The following NINJ1 variants were observed in gnomAD, a reference collection of about 807,000 sequenced individuals.
The protein encoded by NINJ1 is ninjurin-1.
Under a neutral mutation model 12.7 loss-of-function variants are expected in NINJ1, and 6 were observed. The observed-to-expected ratio is 0.47, with a 90% CI of 0.26 to 0.93. The LOEUF is 0.93. Among genes scored for constraint, NINJ1 ranks in the 40% least tolerant of loss-of-function variants. The pLI is 0.15. For missense variants in NINJ1, 170 were observed against 213.0 expected (o/e 0.80, Z 1.26); for synonymous variants, 100 against 96.0 (o/e 1.04, Z -0.25).
intron 1 of NINJ1, among the ~76,000 whole-genome samples, chr9:93,132,435 C>T (rs372068374): frequency 6.6e-6 from 1 of 152,214 alleles, no homozygotes; most frequent in East Asian, 1.9e-4. Context: ...GCCTCTGAGC[C>T]TTTGCTCCCA....
At chr9:93,124,613 T>G (rs1004352522) in intron 3 of NINJ1, among the ~76,000 whole-genome samples, 1 of 151,502 alleles carries the variant, frequency 6.6e-6, no homozygotes, top group Non-Finnish European at 1.5e-5. Context: ...ACATTCTGAA[T>G]GTATAGAAAT....
At position 93,122,139 on chromosome 9, in the gene NINJ1, G is replaced by A. The variant is rs28722632; in HGVS notation, c.*101C>T. ...GCCAGCCTGGGCTCTGGCAGTCTGG[G>A]TAGTGCCATGTGCAGGGAGGTGGAC... On this transcript the variant is annotated 3_prime_UTR_variant, in exon 4 of 4. Transcript: ENST00000375446. The A allele has an allele frequency of 0.035, 5,422 of 152,828 alleles. 303 individuals carry two copies. The highest frequency in any genetic ancestry group is 0.12 in the African/African-American group (4,936 of 41,546). The allele number at this position is 152,828 out of a possible 1,614,324, so 9.5% of individuals were successfully genotyped here.
intron 1 of NINJ1, among the ~76,000 whole-genome samples, chr9:93,127,246 G>A (rs934566680): frequency 6.6e-6 from 1 of 152,210 alleles, no homozygotes; most frequent in Non-Finnish European, 1.5e-5. Context: ...GCCACCCAGA[G>A]CCCGGCCCCG....
intron 1 of NINJ1, among the ~76,000 whole-genome samples, chr9:93,129,009 A>G (rs182146842): frequency 1.3e-5 from 2 of 152,248 alleles, no homozygotes; most frequent in East Asian, 3.9e-4. Context: ...CCATTTAAAT[A>G]TTTCACAGCC....
chr9:93,131,618 GAC>G (rs1477123776), intron 1 of NINJ1: 4 of 152,252 alleles, frequency 2.6e-5, no homozygotes, highest in Admixed American at 2.6e-4. Context: ...CCTGCCTTGA[GAC>G]ACCCTGGGGA....
At chr9:93,131,184 G>T (rs149086886) in intron 1 of NINJ1, among the ~76,000 whole-genome samples, 3 of 152,356 alleles carry the variant, frequency 2.0e-5, no homozygotes, top group East Asian at 3.9e-4. Flanking sequence ...AGCAGGCCCT[G>T]AGAGGGTCTC....
Position 93,124,884 on chromosome 9 carries a change from C to T in NINJ1, c.*9+15G>A. The stretch of plus-strand genomic sequence containing the variant: ...CCCCAGGACTGCAGGCCTCGCGCCC[C>T]ATCTCCCAGCTCACCTGGGTGTCCT... On this transcript the variant is annotated intron_variant, in intron 3 of 3. Coordinates refer to ENST00000375446, the MANE Select transcript of NINJ1 (RefSeq NM_004148.4). 1 of 1,593,118 alleles carries T rather than the reference C, an allele frequency of 6.3e-7. No individual in the cohort carries two copies. Among genetic ancestry groups the T allele is most frequent in the Non-Finnish European group, 8.6e-7 (1 of 1,168,710 alleles).
chr9:93,122,879 T>C (rs1331387379), intron 3 of NINJ1, among the ~76,000 whole-genome samples: 4 of 152,172 alleles, frequency 2.6e-5, no homozygotes, highest in African/African-American at 7.2e-5. Flanking sequence ...TTGGGAGAGT[T>C]AGGGACTGCA....
At chr9:93,126,694 C>T in intron 1 of NINJ1, 56 bp from the exon 2 acceptor site, 1 of 1,435,964 alleles carries the variant, frequency 7.0e-7, no homozygotes, top group Non-Finnish European at 9.5e-7. Context: ...AAGGGCTGTG[C>T]CTGAGTCGGG....
At chr9:93,127,740 C>T (rs997400479) in intron 1 of NINJ1, among the ~76,000 whole-genome samples, 2 of 152,246 alleles carry the variant, frequency 1.3e-5, no homozygotes, top group Admixed American at 1.3e-4. Flanking sequence ...CCTCCCAGGA[C>T]TGGTCACCTG....
chr9:93,126,657 T>A lies in NINJ1; in HGVS notation c.76-19A>T. The A allele has an allele frequency of 3.3e-6, 5 of 1,493,516 alleles. No individual in the cohort carries two copies. The highest frequency in any genetic ancestry group is 4.6e-6 in the Non-Finnish European group (5 of 1,088,336). The allele number at this position is 1,493,516 out of a possible 1,614,324, so 92.5% of individuals were successfully genotyped here. A position where few individuals can be genotyped will look rare whatever the true frequency, so the allele number is the denominator to read the frequency against. On this transcript the variant is annotated intron_variant, in intron 1 of 3. Transcript: ENST00000375446. The stretch of plus-strand genomic sequence containing the variant: ...GGGCCGGCTGCAGGGAGGGGAATGG[T>A]CAGCAAGGCGGGTGGGGGAGGGGGG...
At chr9:93,125,699 G>A (rs1012356660) in intron 2 of NINJ1, 3 of 153,118 alleles carry the variant, frequency 2.0e-5, no homozygotes, top group Non-Finnish European at 1.5e-5. Flanking sequence ...GGAGGATCAC[G>A]TGAGCCCAGG....
At chr9:93,124,382 C>G (rs936322881) in intron 3 of NINJ1, among the ~76,000 whole-genome samples, 1 of 152,166 alleles carries the variant, frequency 6.6e-6, no homozygotes, top group Non-Finnish European at 1.5e-5. Flanking sequence ...TCAAGCGATT[C>G]TCCTGCCTCA....
In NINJ1 at chr9:93,126,437, C is replaced by T. The variant is rs1167155758; in HGVS notation, c.277G>A (p.Gly93Ser). ...AGGAAGATGAGCAGCACCCCCACGCCGATCTGCAGCACAAGGGAGATGGAG... is the reference window on the plus strand; with the variant it reads ...AGGAAGATGAGCAGCACCCCCACGCTGATCTGCAGCACAAGGGAGATGGAG... ...LISISLVLQIGVGVLLIFLVK... is the reference protein window; with the variant it reads ...LISISLVLQISVGVLLIFLVK... The change falls in exon 2 of 4, where the codon GGC (glycine) becomes AGC (serine). Residue 93 changes from glycine (G) to serine (S), a missense_variant. Gly to Ser is a moderately conservative substitution (Grantham distance 56). Transcript: ENST00000375446. 3.1e-6 allele frequency: 5 copies of T among 1,613,782 alleles called. No individual in the cohort carries two copies. The highest frequency in any genetic ancestry group is 3.3e-5 in the Admixed American group (2 of 59,978).
In NINJ1 at chr9:93,134,151, C is replaced by G. The variant is rs1223562713; in HGVS notation, c.67G>C (p.Asp23His). ...TGGGGGGAAGGTCTTACCGAGGCGT[C>G]CGGGGAGCCGGGTGTGCCCGGAGGC... is the stretch of plus-strand genomic sequence containing the variant. ...GLPPGTPGSP[D>H]ASPARWGWRH... The change falls in exon 1 of 4, where the codon GAC becomes CAC. Residue 23 changes from aspartate to histidine, a missense_variant. Physicochemically the swap from Asp to His is moderately conservative, Grantham distance 81 (BLOSUM62 -1). Coordinates refer to ENST00000375446, the MANE Select transcript of NINJ1 (RefSeq NM_004148.4). 1 of 1,557,320 alleles carries G rather than the reference C, an allele frequency of 6.4e-7. No homozygotes were observed. Among genetic ancestry groups the G allele is most frequent in the East Asian group, 2.4e-5 (1 of 41,942 alleles).
At chr9:93,124,860 C>T (rs777112184) in intron 3 of NINJ1, 39 bp downstream of exon 3, 3 of 1,566,408 alleles carry the variant, frequency 1.9e-6, no homozygotes, top group South Asian at 2.4e-5. Context: ...AGCGAGCAAC[C>T]CCAGGACTGC....
At chr9:93,122,681 G>A (rs1827752105) in intron 3 of NINJ1, among the ~76,000 whole-genome samples, 1 of 152,152 alleles carries the variant, frequency 6.6e-6, no homozygotes, top group Non-Finnish European at 1.5e-5. Flanking sequence ...GGCCCAGCAT[G>A]GGGGGCTCGG....
At chr9:93,129,428 T>G (rs1318713260) in intron 1 of NINJ1, among the ~76,000 whole-genome samples, 2 of 152,094 alleles carry the variant, frequency 1.3e-5, no homozygotes, top group Non-Finnish European at 2.9e-5. Context: ...GGCCAGCAAA[T>G]GCCCTGACCA....
intron 2 of NINJ1, 78 bp downstream of exon 2, chr9:93,126,332 G>C: frequency 7.9e-7 from 1 of 1,267,294 alleles, no homozygotes; most frequent in South Asian, 1.3e-5. Context: ...GCAAGGTGGT[G>C]GGCACCTGTC....
Sources: gnomAD v4.1 joint callset for allele counts (sites outside exome capture counted in the v4.1 genomes callset) on GRCh38, gnomAD v4.1.1 for gene constraint, MANE v1.5 for transcripts, NCBI Gene and HGNC (gene_info 2026-07-23, HGNC 2026-07-21) for gene names.